The following TAFA5 variants were observed in gnomAD, a reference collection of about 807,000 sequenced individuals.
The protein encoded by TAFA5 is chemokine-like protein TAFA-5.
Under a neutral mutation model 15.3 loss-of-function variants are expected in TAFA5, and 6 were observed. That is an observed-to-expected ratio of 0.39 (90% confidence interval 0.21 to 0.77). TAFA5 has a LOEUF of 0.77. Among genes scored for constraint, TAFA5 ranks in the 30% least tolerant of loss-of-function variants. The probability of loss-of-function intolerance (pLI) is 0.41; values close to 1 mark genes in which losing one functional copy is unlikely to be tolerated. For synonymous variants in TAFA5, 103 were observed against 80.7 expected, an observed-to-expected ratio of 1.28 and a Z score of -1.48; for missense variants, 161 against 193.1, an observed-to-expected ratio of 0.83 and a Z score of 0.98.
At chr22:48,559,053 G>T (rs150836707) in intron 1 of TAFA5, among the ~76,000 whole-genome samples, 1,792 of 152,302 alleles carry the variant, frequency 0.012, 25 homozygotes, top group African/African-American at 0.04. Flanking sequence ...GGAAAGAGGC[G>T]TGAGGGAGGT....
intron 1 of TAFA5, among the ~76,000 whole-genome samples, chr22:48,500,380 T>C (rs897360413): frequency 6.6e-6 from 1 of 152,206 alleles, no homozygotes; most frequent in Non-Finnish European, 1.5e-5. Flanking sequence ...CACAATGAAG[T>C]TGAAACATTG....
At position 48,542,491 on chromosome 22, in the gene TAFA5, G is replaced by GTGTGGCAT. The variant is rs1271990603; in HGVS notation, c.112+52787_112+52788insTGTGGCAT. 2.2e-3 allele frequency among the ~76,000 whole-genome samples: 219 copies of GTGTGGCAT among 99,928 alleles called. 1 individual carries two copies. Among genetic ancestry groups the GTGTGGCAT allele is most frequent in the Non-Finnish European group, 3.9e-3 (191 of 48,474 alleles). 65.6% of individuals were successfully genotyped at this position (99,928 alleles called of 152,430 possible). A position where few individuals can be genotyped will look rare whatever the true frequency, so the allele number is the denominator to read the frequency against. On this transcript the variant is annotated intron_variant, in intron 1 of 3. Transcript: ENST00000402357. The stretch of plus-strand genomic sequence containing the variant: ...GTGTATGTGTGTGTGGTGTGTGTGT[G>GTGTGGCAT]GTGTGTGTGCGTGTGTGGCATGTGT...
At chr22:48,643,320 G>A (rs1041662161) in intron 1 of TAFA5, among the ~76,000 whole-genome samples, 1 of 152,182 alleles carries the variant, frequency 6.6e-6, no homozygotes, top group Admixed American at 6.5e-5. Flanking sequence ...CCCAGTGGCC[G>A]CAGGGCAGAG....
At chr22:48,654,981 G>A (rs1229194020) in intron 2 of TAFA5, among the ~76,000 whole-genome samples, 1 of 152,214 alleles carries the variant, frequency 6.6e-6, no homozygotes, top group Non-Finnish European at 1.5e-5. Flanking sequence ...GCTGAGTCAG[G>A]CAGCGTGTGG....
intron 1 of TAFA5, among the ~76,000 whole-genome samples, chr22:48,570,126 C>G (rs573944380): frequency 6.6e-6 from 1 of 152,232 alleles, no homozygotes; most frequent in African/African-American, 2.4e-5. Flanking sequence ...CCGGTCCACA[C>G]TGGATGGATT....
chr22:48,734,311 G>C lies in TAFA5; in HGVS notation c.391-15528G>C, dbSNP rs143101100. On this transcript the variant is annotated intron_variant, in intron 3 of 3. Transcript: ENST00000402357. ...CATGGGGAGTGGAGGGCGAAATATC[G>C]TGAGGCCAGCTGTTCTTTCAAAAGT... Among the ~76,000 whole-genome samples, 7 of 152,306 alleles carry C rather than the reference G, an allele frequency of 4.6e-5. No homozygotes were observed. The East Asian group carries it at 1.2e-3, about 25-fold the overall frequency.
chr22:48,626,717 T>C (rs2147186167), intron 1 of TAFA5, among the ~76,000 whole-genome samples: 1 of 152,358 alleles, frequency 6.6e-6, no homozygotes, highest in South Asian at 2.1e-4. Context: ...AATGGTTTTC[T>C]TTCATAGAGT....
chr22:48,567,793 C>T (rs1449643715), intron 1 of TAFA5, among the ~76,000 whole-genome samples: 5 of 152,118 alleles, frequency 3.3e-5, no homozygotes, highest in African/African-American at 4.8e-5. Context: ...GGTGTGACAC[C>T]GCTGTCTGCA....
Position 48,643,657 on chromosome 22 carries a change from A to G in TAFA5, c.113-2940A>G, listed in dbSNP as rs148158565. ...TGGCGGCTTAGTGACTAGGCTCAGC[A>G]GCAGGGCTAGCAGGCTTTCTCAGGC... On this transcript the variant is annotated intron_variant, in intron 1 of 3. Coordinates refer to ENST00000402357, the MANE Select transcript of TAFA5 (RefSeq NM_001082967.3). Among the ~76,000 whole-genome samples the G allele has an allele frequency of 2.1e-3, 318 of 152,330 alleles. 7 individuals carry two copies. In the East Asian group the frequency reaches 0.052, roughly 25 times the overall value.
intron 1 of TAFA5, among the ~76,000 whole-genome samples, chr22:48,493,179 C>T (rs1202373234): frequency 1.3e-5 from 2 of 152,174 alleles, no homozygotes; most frequent in Non-Finnish European, 2.9e-5. Context: ...TCTGCACTAG[C>T]CTAGATTCCA....
intron 2 of TAFA5, among the ~76,000 whole-genome samples, chr22:48,653,786 C>T (rs1381365147): frequency 1.3e-5 from 2 of 152,238 alleles, no homozygotes; most frequent in Middle Eastern, 3.4e-3. Context: ...CTCTGTGAAG[C>T]GCCCCCACTC....
intron 1 of TAFA5, among the ~76,000 whole-genome samples, chr22:48,567,360 C>G (rs1336595494): frequency 6.6e-6 from 1 of 152,210 alleles, no homozygotes; most frequent in Non-Finnish European, 1.5e-5. Context: ...TGAGTGCTTT[C>G]CTCCCAGCCT....
chr22:48,513,858 T>C (rs954365226), intron 1 of TAFA5, among the ~76,000 whole-genome samples: 6 of 152,164 alleles, frequency 3.9e-5, no homozygotes, highest in African/African-American at 1.2e-4. Flanking sequence ...GTCTGGGCGC[T>C]GTGGGGGCCA....
At position 48,652,321 on chromosome 22, in the gene TAFA5, G is replaced by A. The variant is rs780413139; in HGVS notation, c.262+5575G>A. ...CCAGTTGGTGCTCAGCCTGGCCAGG[G>A]GTTGGCCCCAGGGTGGCAGCTGGAG... is the stretch of plus-strand genomic sequence containing the variant. On this transcript the variant is annotated intron_variant, in intron 2 of 3. Transcript: ENST00000402357. Among the ~76,000 whole-genome samples the A allele has an allele frequency of 4.6e-4, 70 of 152,366 alleles. 1 individual carries two copies. Among genetic ancestry groups the A allele is most frequent in the Admixed American group, 1.2e-3 (18 of 15,308 alleles).
At chr22:48,652,137 C>A (rs1190424809) in intron 2 of TAFA5, among the ~76,000 whole-genome samples, 3 of 152,250 alleles carry the variant, frequency 2.0e-5, no homozygotes, top group East Asian at 1.9e-4. Flanking sequence ...GCCAACGGGG[C>A]CCCCAGGGCC....
chr22:48,595,072 G>A (rs1338300111), intron 1 of TAFA5, among the ~76,000 whole-genome samples: 1 of 152,126 alleles, frequency 6.6e-6, no homozygotes. Flanking sequence ...GCCTGTGACC[G>A]GGTGGTGGTG....
intron 1 of TAFA5, among the ~76,000 whole-genome samples, chr22:48,554,861 G>C (rs758632488): frequency 6.6e-6 from 1 of 152,220 alleles, no homozygotes; most frequent in Non-Finnish European, 1.5e-5. Flanking sequence ...TCTCTGCAGA[G>C]ACAGTGGGAC....
At chr22:48,594,208 G>A (rs981434554) in intron 1 of TAFA5, among the ~76,000 whole-genome samples, 8 of 152,208 alleles carry the variant, frequency 5.3e-5, no homozygotes, top group African/African-American at 1.7e-4. Context: ...ACTGCCCGGC[G>A]TTGGGGTGCA....
intron 3 of TAFA5, 23 bp downstream of exon 3, chr22:48,707,867 G>C (rs373594129): frequency 1.4e-5 from 23 of 1,607,830 alleles, no homozygotes; most frequent in South Asian, 2.2e-5. Flanking sequence ...CGGCTTTCTC[G>C]TGGGTGTGCT....
Sources: allele counts gnomAD v4.1 joint callset (sites outside exome capture counted in the v4.1 genomes callset), GRCh38; gene constraint gnomAD v4.1.1; transcripts MANE v1.5; gene names NCBI Gene and HGNC (gene_info 2026-07-23, HGNC 2026-07-21).